The following APOBEC1 variants were observed in gnomAD, a reference collection of about 807,000 sequenced individuals.
APOBEC1 encodes the protein C->U-editing enzyme APOBEC-1.
A neutral mutation model predicts 26.3 loss-of-function variants in APOBEC1; 22 were observed. The ratio of observed to expected loss-of-function variants is 0.84; its 90% CI spans 0.60 to 1.19. The LOEUF is 1.19. Ranked by LOEUF, APOBEC1 falls within the 50% of genes most tolerant of loss-of-function variation. The probability of loss-of-function intolerance (pLI) is 0.00; values close to 1 mark genes in which losing one functional copy is unlikely to be tolerated. For synonymous variants in APOBEC1, 77 were observed against 95.3 expected (o/e 0.81, Z 1.12); for missense variants, 253 against 289.0 (o/e 0.88, Z 0.90).
upstream of APOBEC1, among the ~76,000 whole-genome samples, chr12:7,667,406 G>A (rs754693938): frequency 3.3e-5 from 5 of 152,208 alleles, no homozygotes; most frequent in South Asian, 1.0e-3. Flanking sequence ...CCTGAACTTT[G>A]AATCTCAAGG....
At chr12:7,667,387 T>G (rs1401596620), upstream of APOBEC1, among the ~76,000 whole-genome samples, 1 of 152,090 alleles carries the variant, frequency 6.6e-6, no homozygotes, top group Non-Finnish European at 1.5e-5. Flanking sequence ...GTGTCTCAAA[T>G]CTAGAACTCC....
chr12:7,661,167 C>T (rs1164398062), intron 1 of APOBEC1, among the ~76,000 whole-genome samples: 3 of 148,746 alleles, frequency 2.0e-5, no homozygotes, highest in Non-Finnish European at 4.4e-5. Flanking sequence ...ATTTGCGCCA[C>T]TGCACTCCAG....
At chr12:7,661,750 T>G (rs1863823032) in intron 1 of APOBEC1, among the ~76,000 whole-genome samples, 2 of 151,998 alleles carry the variant, frequency 1.3e-5, no homozygotes, top group South Asian at 4.2e-4. Context: ...GGACACAGAT[T>G]CTCCCTTTGA....
chr12:7,660,028 G>A (rs1439639788), intron 1 of APOBEC1, among the ~76,000 whole-genome samples: 2 of 151,708 alleles, frequency 1.3e-5, no homozygotes, highest in East Asian at 2.0e-4. Flanking sequence ...TATTTGGGCC[G>A]GGTGCGGTGG....
upstream of APOBEC1, among the ~76,000 whole-genome samples, chr12:7,669,254 G>C (rs1201560541): frequency 6.6e-6 from 1 of 151,300 alleles, no homozygotes; most frequent in African/African-American, 2.4e-5. Flanking sequence ...TAGTAGAGAC[G>C]GGGTTTCACC....
At chr12:7,651,793 G>A (rs1276170434) in intron 3 of APOBEC1, among the ~76,000 whole-genome samples, 1 of 149,744 alleles carries the variant, frequency 6.7e-6, no homozygotes, top group Non-Finnish European at 1.5e-5. Flanking sequence ...ATGCCTGTCT[G>A]ATTTTTTTAT....
intron 1 of APOBEC1, among the ~76,000 whole-genome samples, chr12:7,657,149 T>C (rs1220860247): frequency 6.6e-6 from 1 of 152,142 alleles, no homozygotes; most frequent in Non-Finnish European, 1.5e-5. Context: ...CAATTACATA[T>C]TTGGCATCCC....
intron 4 of APOBEC1, 116 bp downstream of exon 4, chr12:7,650,907 A>C (rs1863627730): frequency 3.9e-6 from 3 of 761,142 alleles, no homozygotes; most frequent in Non-Finnish European, 6.7e-6. Flanking sequence ...CTAGTTAAAT[A>C]ACTAAATCTC....
intron 1 of APOBEC1, among the ~76,000 whole-genome samples, chr12:7,659,373 T>TCACACACACA (rs147840833): frequency 1.5e-3 from 175 of 114,100 alleles, no homozygotes; most frequent in African/African-American, 5.0e-3. Flanking sequence ...AATTTAAAAA[T>TCACACACACA]CACACACACA....
In APOBEC1 at chr12:7,661,519, AGATAGATATC is replaced by A. The variant is rs1863820409; in HGVS notation, c.16+4328_16+4337del. On this transcript the variant is annotated intron_variant, in intron 1 of 4. Transcript: ENST00000229304. ...TAGATAGATAGATAGATAGATAGAT[AGATAGATATC>A]TCTTTATAATTGTAATTATACATAT... Among the ~76,000 whole-genome samples the A allele has an allele frequency of 3.0e-5, 3 of 101,114 alleles. No individual in the cohort carries two copies. In the South Asian group the frequency reaches 9.5e-4, roughly 32 times the overall value. The allele number at this position is 101,114 out of a possible 152,430, so 66.3% of individuals were successfully genotyped here. A position where few individuals can be genotyped will look rare whatever the true frequency, so the allele number is the denominator to read the frequency against.
intron 1 of APOBEC1, among the ~76,000 whole-genome samples, chr12:7,656,880 T>C (rs941122850): frequency 6.6e-6 from 1 of 152,232 alleles, no homozygotes; most frequent in Non-Finnish European, 1.5e-5. Context: ...ATGAACATCA[T>C]TGACATTAAA....
upstream of APOBEC1, among the ~76,000 whole-genome samples, chr12:7,670,065 C>A (rs573718029): frequency 2.4e-4 from 33 of 136,198 alleles, 1 homozygote; most frequent in African/African-American, 7.8e-4. Context: ...CTCACTGCAA[C>A]CTCCTCCTCC....
upstream of APOBEC1, among the ~76,000 whole-genome samples, chr12:7,666,316 G>A (rs10845657): frequency 0.33 from 50,299 of 150,276 alleles, 8,612 homozygotes; most frequent in African/African-American, 0.4. Flanking sequence ...TCTTTGAGAC[G>A]GAGTTTTGCT....
chr12:7,661,522 T>C (rs1863820446), intron 1 of APOBEC1, among the ~76,000 whole-genome samples: 1 of 144,496 alleles, frequency 6.9e-6, no homozygotes, highest in Non-Finnish European at 1.5e-5. Flanking sequence ...GATAGATAGA[T>C]AGATATCTCT....
chr12:7,652,355 C>G (rs1413481537), intron 3 of APOBEC1, 83 bp downstream of exon 3: 12 of 1,309,002 alleles, frequency 9.2e-6, no homozygotes, highest in Non-Finnish European at 1.2e-5. Flanking sequence ...CCAGCCTGGG[C>G]TAACCAATCT....
At chr12:7,656,720 A>G (rs146896257) in intron 1 of APOBEC1, among the ~76,000 whole-genome samples, 123 of 152,310 alleles carry the variant, frequency 8.1e-4, no homozygotes, top group African/African-American at 2.9e-3. Context: ...CCTATTCCAC[A>G]AGGTTGTCGG....
At chr12:7,665,757 AC>A in intron 1 of APOBEC1, 99 bp downstream of exon 1, 5 of 236,460 alleles carry the variant, frequency 2.1e-5, no homozygotes, top group South Asian at 1.5e-4. Flanking sequence ...AGCAGGACAC[AC>A]ACACACACAC....
At chr12:7,659,114 G>A (rs1863759011) in intron 1 of APOBEC1, among the ~76,000 whole-genome samples, 1 of 149,512 alleles carries the variant, frequency 6.7e-6, no homozygotes, top group Non-Finnish European at 1.5e-5. Context: ...GACCAACATG[G>A]AGAAACCCTG....
At chr12:7,652,381 G>A (rs1172894334) in intron 3 of APOBEC1, 57 bp downstream of exon 3, 1 of 1,488,858 alleles carries the variant, frequency 6.7e-7, no homozygotes, top group Non-Finnish European at 9.0e-7. Context: ...CCTAAAAACA[G>A]CTACTATCAC....
Sources: gnomAD v4.1 joint callset for allele counts (sites outside exome capture counted in the v4.1 genomes callset) on GRCh38, gnomAD v4.1.1 for gene constraint, MANE v1.5 for transcripts, NCBI Gene and HGNC (gene_info 2026-07-23, HGNC 2026-07-21) for gene names.